The following PDSS2 variants were observed in gnomAD, a reference collection of about 807,000 sequenced individuals.
The protein encoded by PDSS2 is all trans-polyprenyl-diphosphate synthase PDSS2.
PDSS2 carries 31 observed loss-of-function variants against 44.5 expected under a neutral mutation model. The observed-to-expected ratio is 0.70, with a 90% CI of 0.52 to 0.94. The LOEUF is 0.94. PDSS2 is among the 40% of genes least tolerant of loss of function. The pLI is 0.00. For missense variants in PDSS2, 452 were observed against 482.2 expected, an observed-to-expected ratio of 0.94 and a Z score of 0.59; for synonymous variants, 157 against 180.3, an observed-to-expected ratio of 0.87 and a Z score of 1.03.
chr6:107,246,693 A>T lies in PDSS2; in HGVS notation c.631-1074T>A, dbSNP rs151330854. ...GCAAATGACATTAATTTGTAGAAAG[A>T]TTTGCTTTAACATTTTAACACATGA... On this transcript the variant is annotated intron_variant, in intron 3 of 7. Transcript: ENST00000369037. 9.9e-3 allele frequency among the ~76,000 whole-genome samples: 1,508 copies of T among 152,288 alleles called. 17 individuals carry two copies. Among genetic ancestry groups the T allele is most frequent in the Non-Finnish European group, 0.012 (829 of 68,012 alleles).
chr6:107,233,301 T>G (rs1469124241), intron 4 of PDSS2, among the ~76,000 whole-genome samples: 2 of 152,204 alleles, frequency 1.3e-5, no homozygotes, highest in Non-Finnish European at 2.9e-5. Context: ...TGTGGCTTCA[T>G]GTGCATGTAT....
At chr6:107,397,201 T>G (rs319121) in intron 1 of PDSS2, among the ~76,000 whole-genome samples, 109,715 of 150,328 alleles carry the variant, frequency 0.73, 40,468 homozygotes, top group Middle Eastern at 0.8. Flanking sequence ...TTTTTGGTGG[T>G]CGAGGGGGAA....
At chr6:107,442,340 C>G (rs1410263690) in intron 1 of PDSS2, among the ~76,000 whole-genome samples, 1 of 152,256 alleles carries the variant, frequency 6.6e-6, no homozygotes, top group Non-Finnish European at 1.5e-5. Flanking sequence ...TCACTCGAAT[C>G]CAGGAGGCAG....
intron 6 of PDSS2, among the ~76,000 whole-genome samples, chr6:107,210,160 A>G (rs1346846328): frequency 6.6e-6 from 1 of 151,674 alleles, no homozygotes; most frequent in East Asian, 1.9e-4. Context: ...AAGCCTTTAG[A>G]AAAAAAAAGT....
At chr6:107,356,801 A>G (rs1180194049) in intron 1 of PDSS2, among the ~76,000 whole-genome samples, 1 of 152,218 alleles carries the variant, frequency 6.6e-6, no homozygotes, top group Non-Finnish European at 1.5e-5. Flanking sequence ...CCATGACAAT[A>G]CCAGAGTCTT....
intron 4 of PDSS2, among the ~76,000 whole-genome samples, chr6:107,242,347 T>C (rs1439739546): frequency 1.3e-5 from 2 of 152,044 alleles, no homozygotes; most frequent in Non-Finnish European, 2.9e-5. Context: ...CACTGCAAGC[T>C]CCGCCTCCTG....
intron 2 of PDSS2, among the ~76,000 whole-genome samples, chr6:107,282,774 C>G (rs1776008139): frequency 6.7e-6 from 1 of 148,910 alleles, no homozygotes; most frequent in Non-Finnish European, 1.5e-5. Context: ...GAGGCTGAGG[C>G]AGGAGAATGG....
chr6:107,440,979 T>C (rs558013145), intron 1 of PDSS2, among the ~76,000 whole-genome samples: 1 of 152,356 alleles, frequency 6.6e-6, no homozygotes, highest in South Asian at 2.1e-4. Flanking sequence ...TTAGTGATTG[T>C]GACATGAAAA....
chr6:107,200,934 G>C (rs1311041129), intron 6 of PDSS2, among the ~76,000 whole-genome samples: 2 of 152,004 alleles, frequency 1.3e-5, no homozygotes, highest in African/African-American at 4.8e-5. Flanking sequence ...CAAAGCGTTG[G>C]GATTACAGGC....
intron 6 of PDSS2, among the ~76,000 whole-genome samples, chr6:107,204,821 C>T (rs773123066): frequency 6.6e-6 from 1 of 152,158 alleles, no homozygotes; most frequent in Non-Finnish European, 1.5e-5. Flanking sequence ...CATAGACAAC[C>T]TTTAGGCAAC....
At chr6:107,207,121 T>C (rs1773006750) in intron 6 of PDSS2, among the ~76,000 whole-genome samples, 1 of 151,588 alleles carries the variant, frequency 6.6e-6, no homozygotes, top group African/African-American at 2.4e-5. Flanking sequence ...GCCTCCCGAG[T>C]AGCTGGGACT....
rs564523683 is a variant in PDSS2 at position 107,411,783 on chromosome 6, G to A, written c.296+47207C>T. On this transcript the variant is annotated intron_variant, in intron 1 of 7. Transcript: ENST00000369037. ...ACAATACTACTTCATTTTATATAAC[G>A]GAATTGAGCATCTATGGATGTTAGT... Among the ~76,000 whole-genome samples the A allele has an allele frequency of 6.6e-5, 10 of 151,762 alleles. No homozygotes were observed. In the East Asian group the frequency reaches 1.2e-3, roughly 18 times the overall value.
intron 1 of PDSS2, among the ~76,000 whole-genome samples, chr6:107,436,550 C>A (rs543269357): frequency 7.9e-5 from 12 of 152,006 alleles, no homozygotes; most frequent in African/African-American, 2.9e-4. Flanking sequence ...AATATGTACA[C>A]ATGTAAAAGT....
At chr6:107,263,274 GA>G (rs1775305159) in intron 3 of PDSS2, among the ~76,000 whole-genome samples, 2 of 152,042 alleles carry the variant, frequency 1.3e-5, no homozygotes, top group African/African-American at 2.4e-5. Context: ...CCAACATGGC[GA>G]AAACCCATCT....
intron 6 of PDSS2, among the ~76,000 whole-genome samples, chr6:107,197,165 C>A (rs1161571909): frequency 6.8e-6 from 1 of 147,870 alleles, no homozygotes; most frequent in Non-Finnish European, 1.5e-5. Flanking sequence ...TAACTGAACC[C>A]AAGGAAGTGG....
chr6:107,233,655 T>TA (rs1485680251), intron 4 of PDSS2, among the ~76,000 whole-genome samples: 1 of 151,284 alleles, frequency 6.6e-6, no homozygotes, highest in African/African-American at 2.4e-5. Context: ...TTACAAAAAT[T>TA]AAAAAAAATT....
At chr6:107,154,817 G>T in intron 7 of PDSS2, 40 bp from the exon 8 acceptor site, 4 of 1,584,828 alleles carry the variant, frequency 2.5e-6, no homozygotes, top group South Asian at 1.1e-5. Flanking sequence ...CAGTTTTAAA[G>T]GTACACAGTA....
At chr6:107,362,304 C>T (rs942145374) in intron 1 of PDSS2, among the ~76,000 whole-genome samples, 5 of 152,252 alleles carry the variant, frequency 3.3e-5, no homozygotes, top group African/African-American at 9.6e-5. Context: ...TTTGAATGTG[C>T]TCCGAAGCTC....
At chr6:107,297,173 A>C (rs1776535216) in intron 2 of PDSS2, among the ~76,000 whole-genome samples, 1 of 152,202 alleles carries the variant, frequency 6.6e-6, no homozygotes. Flanking sequence ...GGTAGTGACA[A>C]TTAAAAGACC....
Sources: allele counts gnomAD v4.1 joint callset (sites outside exome capture counted in the v4.1 genomes callset), GRCh38; gene constraint gnomAD v4.1.1; transcripts MANE v1.5; gene names NCBI Gene and HGNC (gene_info 2026-07-23, HGNC 2026-07-21).